TCF7L2: variants seen among roughly 807,000 people sequenced by gnomAD.
The protein encoded by TCF7L2 is transcription factor 7-like 2.
Under a neutral mutation model 77.9 loss-of-function variants are expected in TCF7L2, and 23 were observed. The ratio of observed to expected loss-of-function variants is 0.30; its 90% CI spans 0.21 to 0.42. The LOEUF (loss-of-function observed/expected upper bound fraction) is 0.42. Among genes scored for constraint, TCF7L2 ranks in the 10% least tolerant of loss-of-function variants. TCF7L2 has a pLI of 1.00. For synonymous variants in TCF7L2, 413 were observed against 340.2 expected, an observed-to-expected ratio of 1.21 and a Z score of -2.36; for missense variants, 654 against 793.1, an observed-to-expected ratio of 0.82 and a Z score of 2.11.
chr10:113,110,479 G>T (rs1367184707), intron 5 of TCF7L2, among the ~76,000 whole-genome samples: 1 of 148,772 alleles, frequency 6.7e-6, no homozygotes, highest in East Asian at 2.1e-4. Flanking sequence ...TCCTTAATTG[G>T]TTCTATATAT....
chr10:113,069,572 C>T (rs1266871170), intron 5 of TCF7L2, among the ~76,000 whole-genome samples: 3 of 152,048 alleles, frequency 2.0e-5, no homozygotes, highest in Non-Finnish European at 4.4e-5. Flanking sequence ...TTGCCTAACC[C>T]GTCCAGGAGG....
intron 5 of TCF7L2, among the ~76,000 whole-genome samples, chr10:113,119,410 A>G (rs1040720471): frequency 6.6e-6 from 1 of 152,194 alleles, no homozygotes; most frequent in African/African-American, 2.4e-5. Flanking sequence ...TTTGAAAGCA[A>G]AAGAGTCTTA....
chr10:112,969,952 G>C (rs1456275107), intron 4 of TCF7L2, among the ~76,000 whole-genome samples: 1 of 152,218 alleles, frequency 6.6e-6, no homozygotes, highest in Non-Finnish European at 1.5e-5. Context: ...TATGAGCACT[G>C]TTGTGATGAA....
At position 113,011,887 on chromosome 10, in the gene TCF7L2, T is replaced by C. The variant is rs538554219; in HGVS notation, c.451-28138T>C. The stretch of plus-strand genomic sequence containing the variant: ...AGTATTGCTACCTTGAGTATTGCTG[T>C]TGAGCATTACTACCTTGAGTATTGC... On this transcript the variant is annotated intron_variant, in intron 4 of 13. Coordinates refer to ENST00000627217, the MANE Select transcript of TCF7L2 (RefSeq NM_001146274.2). Among the ~76,000 whole-genome samples the C allele has an allele frequency of 2.6e-5, 4 of 151,988 alleles. No individual in the cohort carries two copies. In the South Asian group the frequency reaches 8.3e-4, roughly 32 times the overall value.
chr10:113,141,034 T>TGG (rs540981240), intron 5 of TCF7L2, 150 bp from the exon 6 acceptor site: 24 of 888,252 alleles, frequency 2.7e-5, no homozygotes, highest in East Asian at 1.0e-4. Context: ...TCACATGGAC[T>TGG]GGGGGGAGTA....
intron 5 of TCF7L2, among the ~76,000 whole-genome samples, chr10:113,094,926 C>A (rs181042295): frequency 3.7e-4 from 57 of 152,276 alleles, no homozygotes; most frequent in African/African-American, 1.3e-3. Context: ...TGAGACCAGC[C>A]TGGCCAACAT....
chr10:113,166,258 A>C lies in TCF7L2; in HGVS notation c.*286A>C. The C allele has an allele frequency of 1.0e-5, 3 of 289,866 alleles. No individual in the cohort carries two copies. The highest frequency in any genetic ancestry group is 6.3e-6 in the Non-Finnish European group (1 of 157,810). 18.0% of individuals were successfully genotyped at this position (289,866 alleles called of 1,614,324 possible). A position where few individuals can be genotyped will look rare whatever the true frequency, so the allele number is the denominator to read the frequency against. ...GCGTTTAAAAAATATATATATATAC[A>C]TAACTGTTATGTAGTTCGGATAGCT... On this transcript the variant is annotated 3_prime_UTR_variant, in exon 14 of 14. Coordinates refer to ENST00000627217, the MANE Select transcript of TCF7L2 (RefSeq NM_001146274.2).
In TCF7L2 at chr10:113,083,843, A is replaced by G. The variant is rs139416978; in HGVS notation, c.552+43717A>G. ...TTTCTTATTGTTCCAAAGATGTGGC[A>G]TTTCCAAAAGAAAATTCTTCCATTT... On this transcript the variant is annotated intron_variant, in intron 5 of 13. Transcript: ENST00000627217. 2.8e-3 allele frequency among the ~76,000 whole-genome samples: 420 copies of G among 152,292 alleles called. 4 individuals are homozygous for G. Among genetic ancestry groups the G allele is most frequent in the Non-Finnish European group, 4.8e-3 (325 of 68,010 alleles).
chr10:113,059,478 C>CGG (rs1278313374), intron 5 of TCF7L2, among the ~76,000 whole-genome samples: 2 of 151,878 alleles, frequency 1.3e-5, no homozygotes, highest in Non-Finnish European at 2.9e-5. Flanking sequence ...GGGGAAAAGG[C>CGG]GGGGGTTGGG....
intron 5 of TCF7L2, among the ~76,000 whole-genome samples, chr10:113,118,100 A>G (rs7097567): frequency 1.7e-3 from 253 of 152,278 alleles, no homozygotes; most frequent in African/African-American, 5.0e-3. Context: ...GGCTCAGCCC[A>G]GCAGACGGGG....
intron 5 of TCF7L2, among the ~76,000 whole-genome samples, chr10:113,048,401 A>G (rs1025840284): frequency 1.3e-5 from 2 of 152,296 alleles, no homozygotes; most frequent in Admixed American, 6.5e-5. Context: ...ATTTCTTCAC[A>G]TGTGGCTCTC....
At chr10:113,143,846 C>T in intron 6 of TCF7L2, 77 bp from the exon 7 acceptor site, 1 of 1,059,834 alleles carries the variant, frequency 9.4e-7, no homozygotes. Flanking sequence ...TTCCTCCTTT[C>T]CCTGTTCCCA....
intron 5 of TCF7L2, among the ~76,000 whole-genome samples, chr10:113,097,495 A>G (rs1024244183): frequency 4.0e-5 from 6 of 151,574 alleles, no homozygotes; most frequent in African/African-American, 1.2e-4. Context: ...TCTACTGAAA[A>G]TACAAAAATT....
intron 4 of TCF7L2, among the ~76,000 whole-genome samples, chr10:113,003,683 C>T (rs148545291): frequency 1.3e-5 from 2 of 152,200 alleles, no homozygotes; most frequent in South Asian, 2.1e-4. Flanking sequence ...CTCTGAGGAC[C>T]GTGGATGGGA....
intron 5 of TCF7L2, among the ~76,000 whole-genome samples, chr10:113,043,481 A>G (rs1456121136): frequency 6.6e-6 from 1 of 152,218 alleles, no homozygotes; most frequent in African/African-American, 2.4e-5. Context: ...ATCTGTGTTC[A>G]GAGGAGAGAG....
At chr10:113,136,033 G>C (rs754136612) in intron 5 of TCF7L2, among the ~76,000 whole-genome samples, 32 of 152,212 alleles carry the variant, frequency 2.1e-4, no homozygotes, top group Non-Finnish European at 4.0e-4. Context: ...GGAGAGTGTA[G>C]AAGTGGGGTG....
Position 112,964,591 on chromosome 10 carries a change from G to A in TCF7L2, c.417G>A (p.Ala139=), listed in dbSNP as rs749747681. ...AGTCCGGCAGCACACATTACTCTGC[G>A]TACAAAACGATTGAACACCAGATTG... The change falls in exon 4 of 14, where the codon GCG becomes GCA. Residue 139 remains alanine (A), a synonymous_variant. Coordinates refer to ENST00000627217, the MANE Select transcript of TCF7L2 (RefSeq NM_001146274.2). 5.3e-5 allele frequency: 86 copies of A among 1,613,182 alleles called. No homozygotes were observed. Among genetic ancestry groups the A allele is most frequent in the East Asian group, 6.7e-5 (3 of 44,850 alleles).
chr10:113,076,135 CAAAAAAAAA>C (rs34089010), intron 5 of TCF7L2, among the ~76,000 whole-genome samples: 1 of 65,984 alleles, frequency 1.5e-5, no homozygotes, highest in Non-Finnish European at 2.8e-5. Flanking sequence ...GACTCCATCT[CAAAAAAAAA>C]AAAAAAAAAA....
At chr10:113,142,517 G>T (rs2068556678) in intron 6 of TCF7L2, among the ~76,000 whole-genome samples, 1 of 152,230 alleles carries the variant, frequency 6.6e-6, no homozygotes. Context: ...TAATTGGAAG[G>T]ATGGGTTTAA....
Sources: gnomAD v4.1 joint callset for allele counts (sites outside exome capture counted in the v4.1 genomes callset) on GRCh38, gnomAD v4.1.1 for gene constraint, MANE v1.5 for transcripts, NCBI Gene and HGNC (gene_info 2026-07-23, HGNC 2026-07-21) for gene names.